MAD1L1: variants seen among roughly 807,000 people sequenced by gnomAD.
MAD1L1 encodes the protein mitotic arrest deficient 1 like 1.
In MAD1L1, 95 loss-of-function variants were observed where a neutral mutation model predicts 96.9. The observed-to-expected ratio is 0.98, with a 90% CI of 0.83 to 1.16. The LOEUF (loss-of-function observed/expected upper bound fraction) is 1.16. Ranked by LOEUF, MAD1L1 falls within the 50% of genes most tolerant of loss-of-function variation. MAD1L1 has a pLI of 0.00. For synonymous variants in MAD1L1, 473 were observed against 396.6 expected (o/e 1.19, Z -2.29); for missense variants, 1,007 against 954.4 (o/e 1.06, Z -0.73).
At chr7:1,911,135 CCCCCGCA>C (rs1385048974) in intron 17 of MAD1L1, among the ~76,000 whole-genome samples, 1 of 152,166 alleles carries the variant, frequency 6.6e-6, no homozygotes, top group African/African-American at 2.4e-5. Context: ...CTCCCTCCAT[CCCCCGCA>C]CCCCTTGAGC....
At chr7:1,983,915 C>A (rs1373206510) in intron 14 of MAD1L1, among the ~76,000 whole-genome samples, 1 of 152,162 alleles carries the variant, frequency 6.6e-6, no homozygotes, top group African/African-American at 2.4e-5. Context: ...TACCATTTTT[C>A]ACTTTCCTAT....
chr7:1,837,678 G>T (rs1422450479), intron 18 of MAD1L1, among the ~76,000 whole-genome samples: 2 of 152,370 alleles, frequency 1.3e-5, no homozygotes, highest in East Asian at 3.9e-4. Context: ...AGCCAGATGA[G>T]AAAGGCTAGA....
chr7:2,227,568 C>G (rs1326894123), intron 3 of MAD1L1, among the ~76,000 whole-genome samples: 1 of 152,200 alleles, frequency 6.6e-6, no homozygotes, highest in African/African-American at 2.4e-5. Flanking sequence ...TTACCCAGCC[C>G]AAATGCCAAG....
rs148785777 is a variant in MAD1L1, at chr7:2,130,512, C to CCT, written c.1073+18638_1073+18639dup. Among the ~76,000 whole-genome samples the CCT allele has an allele frequency of 7.0e-3, 1,066 of 151,294 alleles. 13 individuals are homozygous for CCT. Among genetic ancestry groups the CCT allele is most frequent in the African/African-American group, 0.025 (1,018 of 41,342 alleles). Reference sequence around the variant, plus strand: ...GACCAGCTTCCCACATAGTCTTGGGCCTCTCTCTCTCTCTGGGACCCCAAT... The same window carrying CCT: ...GACCAGCTTCCCACATAGTCTTGGGCCTCTCTCTCTCTCTCTGGGACCCCAAT... On this transcript the variant is annotated intron_variant, in intron 11 of 18. Transcript: ENST00000265854.
intron 11 of MAD1L1, among the ~76,000 whole-genome samples, chr7:2,105,970 C>A (rs1787069429): frequency 7.1e-6 from 1 of 140,214 alleles, no homozygotes; most frequent in South Asian, 2.4e-4. Context: ...AACACCTCAG[C>A]CCTGCCCCTG....
chr7:2,210,383 G>GT (rs1562374905), intron 10 of MAD1L1, among the ~76,000 whole-genome samples: 1 of 152,122 alleles, frequency 6.6e-6, no homozygotes, highest in Non-Finnish European at 1.5e-5. Context: ...AAATGCACAC[G>GT]TTTACCAAAC....
chr7:2,126,533 A>G (rs1303325482), intron 11 of MAD1L1, among the ~76,000 whole-genome samples: 1 of 152,130 alleles, frequency 6.6e-6, no homozygotes, highest in African/African-American at 2.4e-5. Flanking sequence ...AGCCCAGGCC[A>G]GGCACAATGA....
At chr7:1,835,957 G>T (rs1782918156) in intron 18 of MAD1L1, among the ~76,000 whole-genome samples, 1 of 152,218 alleles carries the variant, frequency 6.6e-6, no homozygotes, top group Non-Finnish European at 1.5e-5. Flanking sequence ...TGGTGGGAGT[G>T]TCGTGTCATA....
chr7:1,996,314 C>T (rs1440305660), intron 14 of MAD1L1, among the ~76,000 whole-genome samples: 1 of 141,496 alleles, frequency 7.1e-6, no homozygotes, highest in Admixed American at 7.0e-5. Context: ...AGGGTCCCCC[C>T]GGGTCTACAC....
Position 2,215,918 on chromosome 7 carries a change from C to T in MAD1L1, c.891G>A (p.Gln297=). 6.2e-7 allele frequency: 1 copy of T among 1,614,218 alleles called. No homozygotes were observed. Among genetic ancestry groups the T allele is most frequent in the South Asian group, 1.1e-5 (1 of 91,090 alleles). ...QRKLGRQEKM[Q]ETLVGLELEN... ...CCAGCTCCAAGCCAACCAGCGTCTC[C>T]TGCATCTTCTCCTGGCGCCCCAGCT... Residue 297 remains glutamine (Q), a synonymous_variant, in exon 9 of 19, where the codon CAG becomes CAA. Coordinates refer to ENST00000265854, the MANE Select transcript of MAD1L1 (RefSeq NM_001013836.2).
chr7:2,005,133 T>C (rs1781975123), intron 13 of MAD1L1, among the ~76,000 whole-genome samples: 1 of 152,062 alleles, frequency 6.6e-6, no homozygotes, highest in Admixed American at 6.5e-5. Flanking sequence ...GGCCCTGGGT[T>C]CAAGAAGGCA....
intron 18 of MAD1L1, among the ~76,000 whole-genome samples, chr7:1,869,173 G>A (rs1784924003): frequency 6.6e-6 from 1 of 152,100 alleles, no homozygotes; most frequent in African/African-American, 2.4e-5. Flanking sequence ...GGGCGGGGTT[G>A]GGTCTCAAGG....
intron 11 of MAD1L1, among the ~76,000 whole-genome samples, chr7:2,148,870 G>C (rs895989812): frequency 3.3e-5 from 5 of 152,168 alleles, no homozygotes; most frequent in African/African-American, 1.2e-4. Flanking sequence ...CTGATCCAAG[G>C]AGGGACCCCA....
At chr7:2,034,449 CAG>C (rs1783374312) in intron 12 of MAD1L1, among the ~76,000 whole-genome samples, 2 of 152,120 alleles carry the variant, frequency 1.3e-5, no homozygotes, top group African/African-American at 4.8e-5. Context: ...CTCCTGAGCT[CAG>C]GCAATCCACC....
chr7:2,142,411 G>C lies in MAD1L1; in HGVS notation c.1073+6741C>G, dbSNP rs906550020. Reference sequence around the variant, plus strand: ...GCACTGTGCGTCCCAGGCATGGTCCGGGGCTGCGGGAGAAACTCTTGGGAC... The same window carrying C: ...GCACTGTGCGTCCCAGGCATGGTCCCGGGCTGCGGGAGAAACTCTTGGGAC... On this transcript the variant is annotated intron_variant, in intron 11 of 18. Transcript: ENST00000265854. This position sits in a 1 kb window ranked among gnomAD's most constrained non-coding sequence, Gnocchi z 4.7. 1.3e-5 allele frequency among the ~76,000 whole-genome samples: 2 copies of C among 152,220 alleles called. No individual in the cohort carries two copies. The highest frequency in any genetic ancestry group is 1.9e-4 in the East Asian group (1 of 5,194).
At chr7:1,927,713 T>C (rs775822450) in intron 17 of MAD1L1, among the ~76,000 whole-genome samples, 2 of 152,176 alleles carry the variant, frequency 1.3e-5, no homozygotes, top group Admixed American at 6.5e-5. Flanking sequence ...CAGATTTAAA[T>C]GTGAACTTAA....
chr7:2,179,096 T>G (rs1322508829), intron 10 of MAD1L1, among the ~76,000 whole-genome samples: 1 of 152,114 alleles, frequency 6.6e-6, no homozygotes, highest in East Asian at 1.9e-4. Context: ...ATTTTTGAAC[T>G]CTGAAAACTA....
intron 12 of MAD1L1, among the ~76,000 whole-genome samples, chr7:2,042,277 A>G (rs1234409972): frequency 4.6e-5 from 7 of 151,688 alleles, no homozygotes; most frequent in East Asian, 3.9e-4. Flanking sequence ...ATGCACACAC[A>G]CGCGCACATG....
At position 2,028,245 on chromosome 7, in the gene MAD1L1, G is replaced by A. The variant is rs146849115; in HGVS notation, c.1219-13603C>T. ...TCGAGACCATCCTGGCTAACACGGC[G>A]AAACCCCGTCTCCACTAAAAATACA... On this transcript the variant is annotated intron_variant, in intron 12 of 18. Coordinates refer to ENST00000265854, the MANE Select transcript of MAD1L1 (RefSeq NM_001013836.2). Among the ~76,000 whole-genome samples, 699 of 151,946 alleles carry A rather than the reference G, an allele frequency of 4.6e-3. 5 individuals carry two copies. The highest frequency in any genetic ancestry group is 0.016 in the African/African-American group (645 of 41,438).
Sources: allele counts gnomAD v4.1 joint callset (sites outside exome capture counted in the v4.1 genomes callset), GRCh38; gene constraint gnomAD v4.1.1; non-coding constraint Gnocchi (gnomAD v3.1); transcripts MANE v1.5; gene names NCBI Gene and HGNC (gene_info 2026-07-23, HGNC 2026-07-21).